The following NELL2 variants were observed in gnomAD, a reference collection of about 807,000 sequenced individuals.
NELL2 encodes the protein protein kinase C-binding protein NELL2.
In NELL2, 41 loss-of-function variants were observed where a neutral mutation model predicts 109.6. The observed-to-expected ratio is 0.37, with a 90% CI of 0.29 to 0.49. NELL2 has a LOEUF of 0.49. NELL2 is among the 20% of genes least tolerant of loss of function. NELL2 has a pLI of 0.98. For synonymous variants in NELL2, 355 were observed against 344.7 expected, an observed-to-expected ratio of 1.03 and a Z score of -0.33; for missense variants, 900 against 1,008.3, an observed-to-expected ratio of 0.89 and a Z score of 1.45.
chr12:44,556,158 A>G (rs1010580400), intron 15 of NELL2, among the ~76,000 whole-genome samples: 1 of 152,232 alleles, frequency 6.6e-6, no homozygotes, highest in African/African-American at 2.4e-5. Context: ...AGGGAAAATA[A>G]GGTCTGTGCA....
At chr12:44,653,776 A>T (rs894701405) in intron 13 of NELL2, among the ~76,000 whole-genome samples, 1 of 152,194 alleles carries the variant, frequency 6.6e-6, no homozygotes, top group Non-Finnish European at 1.5e-5. Flanking sequence ...AAAGAAAAAT[A>T]ACATACAACA....
intron 15 of NELL2, among the ~76,000 whole-genome samples, chr12:44,535,145 A>G (rs1466947202): frequency 1.3e-4 from 20 of 152,034 alleles, no homozygotes; most frequent in Non-Finnish European, 2.8e-4. Flanking sequence ...CCTGCCCATA[A>G]TGTATTTTCA....
At chr12:44,792,128 G>A (rs969554022) in intron 3 of NELL2, among the ~76,000 whole-genome samples, 1 of 152,182 alleles carries the variant, frequency 6.6e-6, no homozygotes, top group Non-Finnish European at 1.5e-5. Context: ...GACAGGTTAA[G>A]TAAGATGAAG....
In NELL2 at chr12:44,518,273, C is replaced by G. The variant is rs534631260; in HGVS notation, c.2400+1732G>C. On this transcript the variant is annotated intron_variant, in intron 19 of 19. Transcript: ENST00000429094. ...TTTTTTTTTTTTTCTGAGATGGAGT[C>G]TCGCTCTGTTGCCCAGGCTGGAGGG... Among the ~76,000 whole-genome samples, 210 of 148,450 alleles carry G rather than the reference C, an allele frequency of 1.4e-3. 3 individuals carry two copies. Among genetic ancestry groups the G allele is most frequent in the Middle Eastern group, 0.01 (3 of 286 alleles).
intron 9 of NELL2, among the ~76,000 whole-genome samples, chr12:44,773,350 C>T (rs1941623792): frequency 1.3e-5 from 2 of 152,096 alleles, no homozygotes; most frequent in Admixed American, 6.5e-5. Context: ...GTGGCAGGCA[C>T]CTGTAGTCCC....
At chr12:44,655,863 T>C (rs1234394760) in intron 13 of NELL2, among the ~76,000 whole-genome samples, 1 of 152,126 alleles carries the variant, frequency 6.6e-6, no homozygotes, top group Non-Finnish European at 1.5e-5. Context: ...TTAGGGGGCA[T>C]ACTTTACATT....
At position 44,894,295 on chromosome 12, in the gene NELL2, A is replaced by G. The variant is rs150872890; in HGVS notation, c.39-18395T>C. Among the ~76,000 whole-genome samples, 35 of 152,302 alleles carry G rather than the reference A, an allele frequency of 2.3e-4. No individual in the cohort carries two copies. In the East Asian group the frequency reaches 6.0e-3, roughly 26 times the overall value. On this transcript the variant is annotated intron_variant, in intron 1 of 20. Transcript: ENST00000333837. Reference sequence around the variant, plus strand: ...TTGGCTTGATGACAATGTTACTCTCAGGGGATAACATACATCTATGTTTTG... The same window carrying G: ...TTGGCTTGATGACAATGTTACTCTCGGGGGATAACATACATCTATGTTTTG...
At chr12:44,735,448 G>T (rs548117479) in intron 9 of NELL2, among the ~76,000 whole-genome samples, 6 of 151,948 alleles carry the variant, frequency 3.9e-5, no homozygotes, top group African/African-American at 1.4e-4. Flanking sequence ...CAAGATAACT[G>T]CTGCCTAGGC....
At chr12:44,737,179 G>T (rs1434960273) in intron 9 of NELL2, among the ~76,000 whole-genome samples, 1 of 151,884 alleles carries the variant, frequency 6.6e-6, no homozygotes, top group African/African-American at 2.4e-5. Context: ...AAGTTGCTCA[G>T]ATTAAGATAA....
At chr12:44,827,664 C>T (rs1943758063) in intron 2 of NELL2, among the ~76,000 whole-genome samples, 1 of 152,168 alleles carries the variant, frequency 6.6e-6, no homozygotes, top group Non-Finnish European at 1.5e-5. Context: ...ATTCTTATGA[C>T]TGAATGGTAC....
At chr12:44,533,576 T>C (rs1942178108) in intron 15 of NELL2, among the ~76,000 whole-genome samples, 1 of 152,150 alleles carries the variant, frequency 6.6e-6, no homozygotes, top group Admixed American at 6.5e-5. Context: ...GGATCTACTA[T>C]ACAAAGACAG....
At chr12:44,811,201 G>C (rs1169519139) in intron 3 of NELL2, among the ~76,000 whole-genome samples, 2 of 151,800 alleles carry the variant, frequency 1.3e-5, no homozygotes, top group Non-Finnish European at 2.9e-5. Flanking sequence ...GGGAGGGAGA[G>C]CATTAGGACA....
At chr12:44,699,246 A>T (rs1273199344) in intron 12 of NELL2, among the ~76,000 whole-genome samples, 1 of 152,140 alleles carries the variant, frequency 6.6e-6, no homozygotes, top group Non-Finnish European at 1.5e-5. Context: ...GATGGCGATG[A>T]ATATATAATT....
chr12:44,710,478 T>C (rs962664743), intron 11 of NELL2, among the ~76,000 whole-genome samples: 1 of 152,142 alleles, frequency 6.6e-6, no homozygotes, highest in Non-Finnish European at 1.5e-5. Flanking sequence ...ATGTAGAAGA[T>C]GGATTCATAA....
At position 44,888,326 on chromosome 12, in the gene NELL2, C is replaced by T. The variant is rs922669438; in HGVS notation, c.39-12426G>A. On this transcript the variant is annotated intron_variant, in intron 1 of 20. Coordinates refer to the NELL2 transcript ENST00000333837. ...ATTACTTTAGCTATTTGAGGTCTTT[C>T]GTGGTTCTAAATAAATTTAGGATTT... is the stretch of plus-strand genomic sequence containing the variant. Among the ~76,000 whole-genome samples, 26 of 148,154 alleles carry T rather than the reference C, an allele frequency of 1.8e-4. 1 individual carries two copies. The highest frequency in any genetic ancestry group is 6.2e-4 in the African/African-American group (25 of 40,128).
At chr12:44,715,190 A>G (rs1938422702) in intron 9 of NELL2, among the ~76,000 whole-genome samples, 1 of 151,078 alleles carries the variant, frequency 6.6e-6, no homozygotes, top group Non-Finnish European at 1.5e-5. Flanking sequence ...AAGAAGGTAT[A>G]TTCATTTCAG....
chr12:44,886,133 AAGGAAGGAAGG>A (rs1464292784), intron 1 of NELL2, among the ~76,000 whole-genome samples: 13 of 143,656 alleles, frequency 9.0e-5, no homozygotes, highest in African/African-American at 3.5e-4. Flanking sequence ...GGAAGGAAGG[AAGGAAGGAAGG>A]AAGAAAGGGA....
chr12:44,861,222 C>A (rs543382305), intron 2 of NELL2, among the ~76,000 whole-genome samples: 61 of 152,272 alleles, frequency 4.0e-4, no homozygotes, highest in Middle Eastern at 3.4e-3. Flanking sequence ...AAGCAATAAT[C>A]TTGAGGAAAC....
At chr12:44,723,024 T>C (rs555699943) in intron 9 of NELL2, among the ~76,000 whole-genome samples, 5 of 152,022 alleles carry the variant, frequency 3.3e-5, no homozygotes, top group Admixed American at 2.0e-4. Flanking sequence ...CCGTCTCTAC[T>C]AAAAATACAA....
Sources: gnomAD v4.1 joint callset for allele counts (sites outside exome capture counted in the v4.1 genomes callset) on GRCh38, gnomAD v4.1.1 for gene constraint, MANE v1.5 for transcripts, NCBI Gene and HGNC (gene_info 2026-07-23, HGNC 2026-07-21) for gene names.